The following GLI2 variants were observed in gnomAD, a reference collection of about 807,000 sequenced individuals.
The protein encoded by GLI2 is GLI family zinc finger 2.
In GLI2, 22 loss-of-function variants were observed where a neutral mutation model predicts 78.9. The ratio of observed to expected loss-of-function variants is 0.28; its 90% confidence interval spans 0.20 to 0.40. The LOEUF (loss-of-function observed/expected upper bound fraction) is 0.40. GLI2 is among the 10% of genes least tolerant of loss of function. GLI2 has a pLI of 1.00. For synonymous variants in GLI2, 974 were observed against 963.7 expected (o/e 1.01, Z -0.20); for missense variants, 2,097 against 2,213.2 (o/e 0.95, Z 1.05).
chr2:120,806,652 G>T (rs915777547), intron 2 of GLI2, among the ~76,000 whole-genome samples: 6 of 152,208 alleles, frequency 3.9e-5, no homozygotes, highest in Non-Finnish European at 8.8e-5. Flanking sequence ...GAAGGACAAG[G>T]CTCCTGTTGC....
intron 2 of GLI2, among the ~76,000 whole-genome samples, chr2:120,920,290 C>T (rs1679304565): frequency 6.6e-6 from 1 of 152,274 alleles, no homozygotes; most frequent in South Asian, 2.1e-4. Context: ...AGTGCCTCTG[C>T]GTTGTGGCAA....
chr2:120,885,752 G>C (rs905999298), intron 2 of GLI2, among the ~76,000 whole-genome samples: 8 of 152,206 alleles, frequency 5.3e-5, no homozygotes, highest in African/African-American at 1.9e-4. Flanking sequence ...TGAGGCCTCT[G>C]TACTTGGAGT....
chr2:120,757,509 T>A (rs2104640557), intron 1 of GLI2, among the ~76,000 whole-genome samples: 1 of 152,316 alleles, frequency 6.6e-6, no homozygotes, highest in Admixed American at 6.5e-5. Context: ...GCATAGGCAC[T>A]GGCCTTGTCT....
At chr2:120,779,472 G>A (rs1056400501) in intron 1 of GLI2, among the ~76,000 whole-genome samples, 2 of 152,024 alleles carry the variant, frequency 1.3e-5, no homozygotes, top group African/African-American at 4.8e-5. Context: ...CGGCAAAGGT[G>A]CCACAGAGTG....
chr2:120,962,871 C>T lies in GLI2; in HGVS notation c.644-5843C>T, dbSNP rs190034358. Among the ~76,000 whole-genome samples, 295 of 152,238 alleles carry T rather than the reference C, an allele frequency of 1.9e-3. 3 individuals are homozygous for T. The highest frequency in any genetic ancestry group is 3.4e-3 in the Middle Eastern group (1 of 294). The stretch of plus-strand genomic sequence containing the variant: ...AGATTCTTTTTTAAAAAATGTGTTA[C>T]GAAGATGTGTGTGTTTCTTACTTTA... On this transcript the variant is annotated intron_variant, in intron 5 of 13. Coordinates refer to ENST00000361492, the MANE Select transcript of GLI2 (RefSeq NM_001374353.1).
At chr2:120,784,330 C>T (rs961125581) in intron 1 of GLI2, among the ~76,000 whole-genome samples, 2 of 152,198 alleles carry the variant, frequency 1.3e-5, no homozygotes, top group African/African-American at 4.8e-5. Flanking sequence ...GGCTGGGACA[C>T]GTGTGCTGGG....
intron 3 of GLI2, among the ~76,000 whole-genome samples, chr2:120,928,573 C>T (rs1175055540): frequency 6.6e-6 from 1 of 152,172 alleles, no homozygotes; most frequent in African/African-American, 2.4e-5. Flanking sequence ...TCCCCGCCTG[C>T]CGCCACCTAT....
intron 2 of GLI2, among the ~76,000 whole-genome samples, chr2:120,916,452 A>G (rs202122327): frequency 5.3e-5 from 8 of 152,234 alleles, no homozygotes; most frequent in East Asian, 3.8e-4. Flanking sequence ...GCCTCTTCCA[A>G]TGAGCCTTCC....
intron 2 of GLI2, among the ~76,000 whole-genome samples, chr2:120,913,559 G>A (rs1446256586): frequency 6.6e-6 from 1 of 152,118 alleles, no homozygotes; most frequent in South Asian, 2.1e-4. Flanking sequence ...TGGACACCTA[G>A]GGAAGATTCT....
chr2:120,857,112 C>T (rs1276700004), intron 2 of GLI2, among the ~76,000 whole-genome samples: 5 of 152,142 alleles, frequency 3.3e-5, no homozygotes, highest in Non-Finnish European at 7.4e-5. Flanking sequence ...CCAAGACGTG[C>T]AGGGCTGTGG....
intron 1 of GLI2, among the ~76,000 whole-genome samples, chr2:120,768,799 C>CTGTGTGTGTGTG (rs5833852): frequency 3.5e-4 from 51 of 147,728 alleles, no homozygotes; most frequent in African/African-American, 1.2e-3. Flanking sequence ...GGCCCCGCCC[C>CTGTGTGTGTGTG]TGTGTGTGTG....
chr2:120,978,562 C>T lies in GLI2; in HGVS notation c.1446C>T (p.Gly482=), dbSNP rs1456279701. 5 of 1,613,860 alleles carry T rather than the reference C, an allele frequency of 3.1e-6. No homozygotes were observed. Among genetic ancestry groups the T allele is most frequent in the East Asian group, 2.2e-5 (1 of 44,860 alleles). The change falls in exon 10 of 14, where the codon GGC becomes GGT. Residue 482 remains glycine (G), a synonymous_variant. Coordinates refer to ENST00000361492, the MANE Select transcript of GLI2 (RefSeq NM_001374353.1). ...TGGTGCACATGCGGCGACACACGGG[C>T]GAGAAGCCCCACAAGTGCACGGTGA... is the stretch of plus-strand genomic sequence containing the variant. ...MLVVHMRRHT[G]EKPHKCTFEG... is the part of the protein sequence containing the mutation.
intron 2 of GLI2, among the ~76,000 whole-genome samples, chr2:120,816,671 A>G (rs564286207): frequency 2.8e-4 from 42 of 152,198 alleles, no homozygotes; most frequent in African/African-American, 9.9e-4. Flanking sequence ...TAAGAAGAGT[A>G]GGATTACACT....
intron 2 of GLI2, among the ~76,000 whole-genome samples, chr2:120,840,334 C>T (rs1382523587): frequency 6.6e-6 from 1 of 152,170 alleles, no homozygotes; most frequent in East Asian, 1.9e-4. Context: ...TTTTCTAATC[C>T]TCTCTCAAGC....
intron 2 of GLI2, among the ~76,000 whole-genome samples, chr2:120,840,317 T>C (rs1382004580): frequency 6.6e-6 from 1 of 152,246 alleles, no homozygotes; most frequent in East Asian, 1.9e-4. Context: ...CATGTTTCTG[T>C]TATGCATTTT....
At chr2:120,772,407 T>A (rs2104658925) in intron 1 of GLI2, among the ~76,000 whole-genome samples, 1 of 152,284 alleles carries the variant, frequency 6.6e-6, no homozygotes, top group Non-Finnish European at 1.5e-5. Flanking sequence ...CCTCCAGAGG[T>A]CATAGAGCAC....
intron 2 of GLI2, among the ~76,000 whole-genome samples, chr2:120,924,020 G>A (rs1246378295): frequency 6.6e-6 from 1 of 152,208 alleles, no homozygotes; most frequent in Admixed American, 6.5e-5. Context: ...CCTGAGCAGA[G>A]CATGTCAGCT....
chr2:120,887,033 A>G (rs1268507514), intron 2 of GLI2, among the ~76,000 whole-genome samples: 1 of 152,106 alleles, frequency 6.6e-6, no homozygotes, highest in African/African-American at 2.4e-5. Flanking sequence ...CAACACACTC[A>G]CGTTTTTCCT....
intron 3 of GLI2, among the ~76,000 whole-genome samples, chr2:120,932,235 C>T (rs1373840868): frequency 1.3e-5 from 2 of 152,196 alleles, no homozygotes; most frequent in Admixed American, 6.5e-5. Context: ...AAATGAGGTA[C>T]GGTGTCATCT....
Sources: gnomAD v4.1 joint callset for allele counts (sites outside exome capture counted in the v4.1 genomes callset) on GRCh38, gnomAD v4.1.1 for gene constraint, MANE v1.5 for transcripts, NCBI Gene and HGNC (gene_info 2026-07-23, HGNC 2026-07-21) for gene names.